Variants in CTDSP2 observed in about 807,000 individuals in gnomAD.
CTDSP2 encodes CTD small phosphatase 2.
Under a neutral mutation model 31.6 loss-of-function variants are expected in CTDSP2, and 9 were observed. The observed-to-expected ratio is 0.28, with a 90% CI of 0.17 to 0.50. The LOEUF (loss-of-function observed/expected upper bound fraction) is 0.50. Among genes scored for constraint, CTDSP2 ranks in the 20% least tolerant of loss-of-function variants. The pLI is 0.98. For missense variants in CTDSP2, 267 were observed against 348.5 expected, an observed-to-expected ratio of 0.77 and a Z score of 1.86; for synonymous variants, 134 against 134.5, an observed-to-expected ratio of 1.00 and a Z score of 0.03.
intron 1 of CTDSP2, among the ~76,000 whole-genome samples, chr12:57,838,802 T>C (rs1956263487): frequency 6.6e-6 from 1 of 152,212 alleles, no homozygotes; most frequent in Non-Finnish European, 1.5e-5. Flanking sequence ...AGACTACCTA[T>C]TTCTCAGTGT....
chr12:57,826,504 C>T, intron 4 of CTDSP2, 102 bp from the exon 5 acceptor site: 1 of 1,091,694 alleles, frequency 9.2e-7, no homozygotes, highest in Non-Finnish European at 1.4e-6. Flanking sequence ...TTAAAGACTC[C>T]TGGAAGTGCC....
chr12:57,845,515 C>G (rs1294435068), intron 1 of CTDSP2: 1 of 152,176 alleles, frequency 6.6e-6, no homozygotes, highest in Non-Finnish European at 1.5e-5. Flanking sequence ...CCGCTGCCCA[C>G]AGAGAACTCG....
intron 6 of CTDSP2, 46 bp from the exon 7 acceptor site, chr12:57,824,135 C>T (rs970187589): frequency 2.5e-6 from 4 of 1,611,092 alleles, no homozygotes; most frequent in Non-Finnish European, 2.5e-6. Context: ...TCCTGGTCCT[C>T]CTGTATAACC....
chr12:57,824,935 C>T (rs529666589), intron 5 of CTDSP2, among the ~76,000 whole-genome samples: 17 of 152,198 alleles, frequency 1.1e-4, no homozygotes, highest in African/African-American at 3.9e-4. Flanking sequence ...GACCCCCCAT[C>T]GGTCTGCATT....
chr12:57,842,837 C>T (rs1956291056), intron 1 of CTDSP2: 1 of 152,214 alleles, frequency 6.6e-6, no homozygotes, highest in South Asian at 2.1e-4. Flanking sequence ...AGATTCATGT[C>T]TAAGCTTTTC....
Position 57,823,696 on chromosome 12 carries a change from G to C in CTDSP2, c.722C>G (p.Ala241Gly). ...VPVQSWFDDM[A>G]DTELLNLIPI... Reference sequence around the variant, plus strand: ...GATCAGGTTCAGCAACTCAGTGTCTGCCATGTCATCAAACCAGGACTGCAC... The same window carrying C: ...GATCAGGTTCAGCAACTCAGTGTCTCCCATGTCATCAAACCAGGACTGCAC... The change falls in exon 8 of 8, where the codon GCA (alanine) becomes GGA (glycine). Residue 241 changes from alanine to glycine, a missense_variant. Coordinates refer to ENST00000398073, the MANE Select transcript of CTDSP2 (RefSeq NM_005730.4). The C allele has an allele frequency of 6.2e-7, 1 of 1,614,056 alleles. No individual in the cohort carries two copies. Among genetic ancestry groups the C allele is most frequent in the Non-Finnish European group, 8.5e-7 (1 of 1,180,012 alleles).
At chr12:57,838,559 C>G (rs1020986123) in intron 1 of CTDSP2, among the ~76,000 whole-genome samples, 1 of 152,202 alleles carries the variant, frequency 6.6e-6, no homozygotes, top group African/African-American at 2.4e-5. Flanking sequence ...ATAGTTGAAG[C>G]CTAGGAAGAA....
chr12:57,839,573 C>CAGGGCGTGGTGG (rs1956269553), intron 1 of CTDSP2, among the ~76,000 whole-genome samples: 1 of 152,076 alleles, frequency 6.6e-6, no homozygotes, highest in Non-Finnish European at 1.5e-5. Flanking sequence ...AAAAAATTAG[C>CAGGGCGTGGTGG]CGGGCGTGGT....
At chr12:57,844,556 T>C (rs1257752561) in intron 1 of CTDSP2, among the ~76,000 whole-genome samples, 2 of 151,246 alleles carry the variant, frequency 1.3e-5, no homozygotes, top group East Asian at 3.9e-4. Context: ...CCCTCTTGAA[T>C]CCCCCCACAT....
In CTDSP2 at chr12:57,829,462, T is replaced by C; in HGVS notation, c.199A>G (p.Asn67Asp). 1.9e-6 allele frequency: 3 copies of C among 1,614,048 alleles called. No homozygotes were observed. Among genetic ancestry groups the C allele is most frequent in the Non-Finnish European group, 2.5e-6 (3 of 1,179,926 alleles). Residue 67 changes from asparagine to aspartate, a missense_variant, in exon 2 of 8, where the codon AAC (asparagine) becomes GAC (aspartate). Physicochemically the swap from Asn to Asp is conservative, Grantham distance 23. Coordinates refer to ENST00000398073, the MANE Select transcript of CTDSP2 (RefSeq NM_005730.4). ...AACCCACCTACCTTAGCAATGGTGT[T>C]TGCTTCCTCCTTATACGCAGCGAGC... ...TELAAYKEEA[N>D]TIAKSDLLQC... is the part of the protein sequence containing the mutation.
chr12:57,840,041 A>G (rs990989569), intron 1 of CTDSP2, among the ~76,000 whole-genome samples: 9 of 152,080 alleles, frequency 5.9e-5, no homozygotes, highest in Admixed American at 5.9e-4. Flanking sequence ...ACAGATCTTT[A>G]ACATACAGTA....
At chr12:57,835,130 A>C (rs1261343550) in intron 1 of CTDSP2, among the ~76,000 whole-genome samples, 2 of 151,542 alleles carry the variant, frequency 1.3e-5, no homozygotes, top group Non-Finnish European at 2.9e-5. Flanking sequence ...TCTCAAAAAA[A>C]AAAAAAAAGG....
chr12:57,827,455 C>T (rs1002413231), intron 3 of CTDSP2, 97 bp downstream of exon 3: 14 of 1,350,332 alleles, frequency 1.0e-5, no homozygotes, highest in Non-Finnish European at 1.5e-5. Context: ...AGGTGGCTGG[C>T]TAGGCACCAA....
rs1956317923 is a variant in CTDSP2 at position 57,846,496 on chromosome 12, C to T, written c.-61G>A. 1.4e-6 allele frequency: 2 copies of T among 1,460,944 alleles called. No individual in the cohort carries two copies. The highest frequency in any genetic ancestry group is 2.6e-5 in the South Asian group (2 of 77,790). The allele number at this position is 1,460,944 out of a possible 1,614,324, so 90.5% of individuals were successfully genotyped here. A position where few individuals can be genotyped will look rare whatever the true frequency, so the allele number is the denominator to read the frequency against. On this transcript the variant is annotated 5_prime_UTR_variant, in exon 1 of 8. Transcript: ENST00000398073. ...AGGACGGGCGGGCGCGCGGGCTGGGCTGGGCTGGGGGGCCTGGGCGGGGGC... is the reference window on the plus strand; with the variant it reads ...AGGACGGGCGGGCGCGCGGGCTGGGTTGGGCTGGGGGGCCTGGGCGGGGGC...
In CTDSP2 at chr12:57,827,661, G is replaced by C; in HGVS notation, c.214-71C>G. The C allele has an allele frequency of 2.7e-6, 4 of 1,493,114 alleles. No homozygotes were observed. In the South Asian group the frequency reaches 4.6e-5, roughly 17 times the overall value. The allele number at this position is 1,493,114 out of a possible 1,614,324, so 92.5% of individuals were successfully genotyped here. A position where few individuals can be genotyped will look rare whatever the true frequency, so the allele number is the denominator to read the frequency against. ...CACCCCATCCAAACCCACTGCTTCT[G>C]TCTTAAGCCTGGAGGGCAACTTTCT... On this transcript the variant is annotated intron_variant, in intron 2 of 7. Transcript: ENST00000398073.
rs549342767 is a variant in CTDSP2, at chr12:57,822,488, A to C, written c.*1114T>G. 6.6e-6 allele frequency: 1 copy of C among 152,396 alleles called. No individual in the cohort carries two copies. Among genetic ancestry groups the C allele is most frequent in the African/African-American group, 2.4e-5 (1 of 41,466 alleles). The allele number at this position is 152,396 out of a possible 1,614,324, so 9.4% of individuals were successfully genotyped here. On this transcript the variant is annotated 3_prime_UTR_variant, in exon 8 of 8. Coordinates refer to ENST00000398073, the MANE Select transcript of CTDSP2 (RefSeq NM_005730.4). ...AGCCAGGAAGGATGAAGGCTGGAAC[A>C]GACAGAGCTCGGTACAGGACAGGCC... is the stretch of plus-strand genomic sequence containing the variant.
chr12:57,823,725 C>G lies in CTDSP2; in HGVS notation c.693G>C (p.Val231=), dbSNP rs772102540. 1 of 1,613,954 alleles carries G rather than the reference C, an allele frequency of 6.2e-7. No individual in the cohort carries two copies. Among genetic ancestry groups the G allele is most frequent in the Non-Finnish European group, 8.5e-7 (1 of 1,179,998 alleles). ...TGTCATCAAACCAGGACTGCACAGG[C>G]ACCTGGTGGGGGGAAGATGTGGTGT... is the stretch of plus-strand genomic sequence containing the variant. ...ASYIFHPENA[V]PVQSWFDDMA... is the part of the protein sequence containing the mutation. The change falls in exon 8 of 8, where the codon GTG becomes GTC. Residue 231 remains valine, a splice_region_variant and synonymous_variant. Transcript: ENST00000398073.
In CTDSP2 at chr12:57,822,549, A is replaced by G. The variant is rs1956153437; in HGVS notation, c.*1053T>C. ...ACACAACAGGAAAAGAGCCCTGCCC[A>G]AGAAATGGGAGGGGCTGGGACAGCT... On this transcript the variant is annotated 3_prime_UTR_variant, in exon 8 of 8. Coordinates refer to ENST00000398073, the MANE Select transcript of CTDSP2 (RefSeq NM_005730.4). 1 of 152,382 alleles carries G rather than the reference A, an allele frequency of 6.6e-6. No individual in the cohort carries two copies. Among genetic ancestry groups the G allele is most frequent in the African/African-American group, 2.4e-5 (1 of 41,464 alleles). The allele number at this position is 152,382 out of a possible 1,614,324, so 9.4% of individuals were successfully genotyped here.
At chr12:57,828,968 G>T (rs1956199348) in intron 2 of CTDSP2, among the ~76,000 whole-genome samples, 1 of 152,228 alleles carries the variant, frequency 6.6e-6, no homozygotes, top group Non-Finnish European at 1.5e-5. Context: ...CTGTAACTCA[G>T]GTAACTTGGA....
Sources: gnomAD v4.1 joint callset for allele counts (sites outside exome capture counted in the v4.1 genomes callset) on GRCh38, gnomAD v4.1.1 for gene constraint, MANE v1.5 for transcripts, NCBI Gene and HGNC (gene_info 2026-07-23, HGNC 2026-07-21) for gene names.